NDST1: variants seen among roughly 807,000 people sequenced by gnomAD.
The protein encoded by NDST1 is N-deacetylase and N-sulfotransferase 1, also known as bifunctional heparan sulfate N-deacetylase/N-sulfotransferase 1.
A neutral mutation model predicts 92.8 loss-of-function variants in NDST1; 35 were observed. That is an observed-to-expected ratio of 0.38 (90% CI 0.29 to 0.50). NDST1 has a LOEUF of 0.50. Ranked by LOEUF, NDST1 falls within the 20% of genes least tolerant of loss-of-function variation. The pLI, the probability that NDST1 is intolerant of heterozygous loss-of-function variation, is 0.94. For synonymous variants in NDST1, 493 were observed against 500.3 expected (o/e 0.99, Z 0.19); for missense variants, 822 against 1,182.7 (o/e 0.69, Z 4.47).
At chr5:150,504,579 G>C (rs1382658985), upstream of NDST1, among the ~76,000 whole-genome samples, 1 of 152,174 alleles carries the variant, frequency 6.6e-6, no homozygotes, top group African/African-American at 2.4e-5. Context: ...GCCCGTGACA[G>C]AGTCTCCCCG....
chr5:150,510,151 T>A (rs920937019), intron 1 of NDST1, among the ~76,000 whole-genome samples: 3 of 152,192 alleles, frequency 2.0e-5, no homozygotes, highest in African/African-American at 7.2e-5. Flanking sequence ...CTCCATTTCC[T>A]TGTCTGTAAA....
chr5:150,502,340 G>A (rs965677554), intron 1 of NDST1, among the ~76,000 whole-genome samples: 1 of 152,164 alleles, frequency 6.6e-6, no homozygotes, highest in African/African-American at 2.4e-5. Flanking sequence ...TTTGCTGATG[G>A]ATTAGATGTG....
chr5:150,537,388 C>A (rs2151290883), intron 6 of NDST1, among the ~76,000 whole-genome samples: 1 of 152,318 alleles, frequency 6.6e-6, no homozygotes, highest in Admixed American at 6.5e-5. Flanking sequence ...CAGCAAGAAA[C>A]ATCCCTAAGA....
chr5:150,541,289 CT>C (rs1755236870), intron 8 of NDST1, among the ~76,000 whole-genome samples: 1 of 152,216 alleles, frequency 6.6e-6, no homozygotes, highest in South Asian at 2.1e-4. Context: ...TCTTGACCCC[CT>C]GGTTCAGACG....
intron 2 of NDST1, among the ~76,000 whole-genome samples, chr5:150,527,135 G>T (rs913104079): frequency 1.3e-5 from 2 of 152,262 alleles, no homozygotes; most frequent in Non-Finnish European, 2.9e-5. Flanking sequence ...CACGCCTAAT[G>T]GTTAGGTGTG....
intron 4 of NDST1, 31 bp from the exon 5 acceptor site, chr5:150,534,836 G>A: frequency 6.2e-7 from 1 of 1,614,204 alleles, no homozygotes; most frequent in South Asian, 1.1e-5. Context: ...ATGGCCCAGT[G>A]GGTGGTTCTG....
Position 150,528,123 on chromosome 5 carries a change from G to A in NDST1, c.833G>A (p.Arg278His), listed in dbSNP as rs140652741. ...QDLGLHDGIQRVLFGNNLNFW... is the reference protein window; with the variant it reads ...QDLGLHDGIQHVLFGNNLNFW... ...CTGGGCCTGCACGACGGCATCCAGC[G>A]CGTGCTGTTTGGCAACAACCTGAAC... Residue 278 changes from arginine to histidine, a missense_variant, in exon 3 of 15, where the codon CGC becomes CAC. Coordinates refer to ENST00000261797, the MANE Select transcript of NDST1 (RefSeq NM_001543.5). 9 of 1,614,182 alleles carry A rather than the reference G, an allele frequency of 5.6e-6. No individual in the cohort carries two copies. Among genetic ancestry groups the A allele is most frequent in the Middle Eastern group, 1.6e-4 (1 of 6,062 alleles).
chr5:150,553,427 C>A lies in NDST1; in HGVS notation c.*95C>A, dbSNP rs1048710233. ...TGCAGAGTGGGAAGCTGGACCAGGG[C>A]AGCTGCGCACTTATGAGCAATACTC... is the stretch of plus-strand genomic sequence containing the variant. On this transcript the variant is annotated 3_prime_UTR_variant, in exon 15 of 15. Transcript: ENST00000261797. The surrounding 1 kb of genome is among the most constrained non-coding windows in gnomAD (Gnocchi z 4.2). 5.5e-5 allele frequency: 83 copies of A among 1,508,618 alleles called. No homozygotes were observed. The highest frequency in any genetic ancestry group is 2.2e-4 in the Admixed American group (13 of 58,776). 93.5% of individuals were successfully genotyped at this position (1,508,618 alleles called of 1,614,324 possible). A position where few individuals can be genotyped will look rare whatever the true frequency, so the allele number is the denominator to read the frequency against.
At chr5:150,531,335 G>A (rs1030562559) in intron 3 of NDST1, among the ~76,000 whole-genome samples, 8 of 152,122 alleles carry the variant, frequency 5.3e-5, no homozygotes, top group African/African-American at 1.2e-4. Context: ...GGGAGTTGAG[G>A]TAACTTGCCC....
Position 150,520,945 on chromosome 5 carries a change from C to T in NDST1, c.-310C>T, listed in dbSNP as rs1331387102. On this transcript the variant is annotated 5_prime_UTR_variant, in exon 2 of 15. Transcript: ENST00000261797. ...GTCCAGTGTCCTCTGGCCTGCTGCC[C>T]TGCACCCCCAGAAGGCCCTGACGCC... is the stretch of plus-strand genomic sequence containing the variant. 1.8e-6 allele frequency: 1 copy of T among 552,416 alleles called. No individual in the cohort carries two copies. The highest frequency in any genetic ancestry group is 3.2e-6 in the Non-Finnish European group (1 of 314,272). 34.2% of individuals were successfully genotyped at this position (552,416 alleles called of 1,614,324 possible). A position where few individuals can be genotyped will look rare whatever the true frequency, so the allele number is the denominator to read the frequency against.
chr5:150,511,963 T>C (rs1211109400), intron 1 of NDST1, among the ~76,000 whole-genome samples: 1 of 150,818 alleles, frequency 6.6e-6, no homozygotes, highest in African/African-American at 2.4e-5. Context: ...ATGATGTGAC[T>C]GTGCTGGGGG....
upstream of NDST1, among the ~76,000 whole-genome samples, chr5:150,504,881 C>T (rs957971787): frequency 5.3e-5 from 8 of 152,116 alleles, no homozygotes; most frequent in African/African-American, 1.2e-4. Context: ...ACTGGAAAGT[C>T]GTGAGCATGG....
intron 1 of NDST1, among the ~76,000 whole-genome samples, chr5:150,500,798 C>T (rs1753194920): frequency 6.6e-6 from 1 of 152,242 alleles, no homozygotes; most frequent in Non-Finnish European, 1.5e-5. Context: ...AAGCCATTTA[C>T]AGCCGGGTAA....
intron 7 of NDST1, 146 bp from the exon 8 acceptor site, chr5:150,539,936 G>A (rs150312601): frequency 1.6e-6 from 2 of 1,236,086 alleles, no homozygotes; most frequent in African/African-American, 3.0e-5. Flanking sequence ...AGTACTCGCA[G>A]CGAGTTTGTT....
intron 13 of NDST1, among the ~76,000 whole-genome samples, chr5:150,551,335 C>T (rs1448796734): frequency 6.6e-6 from 1 of 151,962 alleles, no homozygotes; most frequent in South Asian, 2.1e-4. Flanking sequence ...AGCAAAAGAA[C>T]CTCCACTAAA....
In NDST1 at chr5:150,521,105, C is replaced by T; in HGVS notation, c.-150C>T. On this transcript the variant is annotated 5_prime_UTR_variant, in exon 2 of 15. Transcript: ENST00000261797. This position sits in a 1 kb window ranked among gnomAD's most constrained non-coding sequence, Gnocchi z 5.9. ...GGGAGGAAGGACTGGGGGCCCAGAT[C>T]CTCCACTCCCAGTGCCCCACAAGGG... The T allele has an allele frequency of 1.5e-6, 1 of 686,614 alleles. No homozygotes were observed. The highest frequency in any genetic ancestry group is 2.4e-6 in the Non-Finnish European group (1 of 413,158). 42.5% of individuals were successfully genotyped at this position (686,614 alleles called of 1,614,324 possible). A position where few individuals can be genotyped will look rare whatever the true frequency, so the allele number is the denominator to read the frequency against.
rs376369419 is a variant in NDST1, at chr5:150,553,254, C to A, written c.2571C>A (p.Ile857=). 412 of 1,613,844 alleles carry A rather than the reference C, an allele frequency of 2.6e-4. 4 individuals carry two copies. In the South Asian group the frequency reaches 4.4e-3, roughly 17 times the overall value. The part of the protein sequence containing the change: ...FLKDYYRDHN[I]ELSKLLYKMG... ...AGGACTATTACCGGGACCACAACAT[C>A]GAGCTCTCCAAGCTGCTGTATAAGA... Residue 857 remains isoleucine (I), a synonymous_variant, in exon 15 of 15, where the codon ATC becomes ATA. Transcript: ENST00000261797. This position sits in a 1 kb window ranked among gnomAD's most constrained non-coding sequence, Gnocchi z 4.2.
At chr5:150,547,228 G>T (rs949957091) in intron 11 of NDST1, among the ~76,000 whole-genome samples, 18 of 152,230 alleles carry the variant, frequency 1.2e-4, no homozygotes, top group African/African-American at 4.3e-4. Flanking sequence ...GATCAAGAGG[G>T]GTAAGGGATA....
intron 2 of NDST1, among the ~76,000 whole-genome samples, chr5:150,525,946 A>G (rs1033097629): frequency 1.3e-5 from 2 of 152,208 alleles, no homozygotes; most frequent in East Asian, 3.9e-4. Flanking sequence ...GGAGTCTTTG[A>G]GGGCTTCCTG....
Sources: allele counts gnomAD v4.1 joint callset (sites outside exome capture counted in the v4.1 genomes callset), GRCh38; gene constraint gnomAD v4.1.1; non-coding constraint Gnocchi (gnomAD v3.1); transcripts MANE v1.5; gene names NCBI Gene and HGNC (gene_info 2026-07-23, HGNC 2026-07-21).